The following MACROD2 variants were observed in gnomAD, a reference collection of about 807,000 sequenced individuals.
MACROD2 encodes ADP-ribose glycohydrolase MACROD2.
A neutral mutation model predicts 70.4 loss-of-function variants in MACROD2; 36 were observed. That is an observed-to-expected ratio of 0.51 (90% CI 0.39 to 0.68). MACROD2 has a LOEUF of 0.68. Among genes scored for constraint, MACROD2 ranks in the 30% least tolerant of loss-of-function variants. The pLI is 0.00. For missense variants in MACROD2, 496 were observed against 538.4 expected, an observed-to-expected ratio of 0.92 and a Z score of 0.78; for synonymous variants, 172 against 178.8, an observed-to-expected ratio of 0.96 and a Z score of 0.30.
chr20:14,402,649 C>T (rs1424326773), intron 3 of MACROD2, among the ~76,000 whole-genome samples: 1 of 152,110 alleles, frequency 6.6e-6, no homozygotes, highest in African/African-American at 2.4e-5. Context: ...AATAAGAACC[C>T]TGAGGTAATG....
At chr20:14,683,677 C>A (rs779629763) in intron 4 of MACROD2, among the ~76,000 whole-genome samples, 3 of 151,968 alleles carry the variant, frequency 2.0e-5, no homozygotes, top group Non-Finnish European at 4.4e-5. Context: ...TCCCTTAGTG[C>A]CAATAGCCTG....
chr20:15,104,668 C>T (rs1384945785), intron 5 of MACROD2, among the ~76,000 whole-genome samples: 2 of 152,094 alleles, frequency 1.3e-5, no homozygotes, highest in Non-Finnish European at 2.9e-5. Flanking sequence ...TTGCTTCCAG[C>T]GGGTGCTTTA....
At chr20:15,081,255 C>T (rs1215043217) in intron 5 of MACROD2, among the ~76,000 whole-genome samples, 2 of 152,092 alleles carry the variant, frequency 1.3e-5, no homozygotes, top group African/African-American at 4.8e-5. Flanking sequence ...CACAGCCATG[C>T]TCATTTGTTT....
intron 5 of MACROD2, among the ~76,000 whole-genome samples, chr20:14,833,226 G>T (rs1455977848): frequency 6.6e-6 from 1 of 152,088 alleles, no homozygotes; most frequent in African/African-American, 2.4e-5. Context: ...TCCATACGTG[G>T]GGCTTATGGG....
intron 8 of MACROD2, chr20:15,619,558 TC>T: frequency 2.4e-6 from 1 of 415,926 alleles, no homozygotes; most frequent in Non-Finnish European, 4.4e-6. Context: ...GGGGATGTGG[TC>T]ACCAGTCATC....
chr20:15,687,362 C>G (rs1392819631), intron 8 of MACROD2, among the ~76,000 whole-genome samples: 1 of 151,868 alleles, frequency 6.6e-6, no homozygotes, highest in Non-Finnish European at 1.5e-5. Flanking sequence ...ATGATAGCAG[C>G]TGCTGCTGCT....
intron 3 of MACROD2, among the ~76,000 whole-genome samples, chr20:14,421,535 T>C (rs1398573959): frequency 6.6e-6 from 1 of 152,184 alleles, no homozygotes; most frequent in Non-Finnish European, 1.5e-5. Context: ...TCATAGTCTT[T>C]TTCTTTTGTT....
intron 7 of MACROD2, among the ~76,000 whole-genome samples, chr20:15,477,845 A>G (rs1457062840): frequency 6.6e-6 from 1 of 152,202 alleles, no homozygotes; most frequent in Non-Finnish European, 1.5e-5. Context: ...TTATATGAGG[A>G]AGGCAGGAGG....
At chr20:15,620,668 G>A (rs2146728904) in intron 8 of MACROD2, among the ~76,000 whole-genome samples, 1 of 152,288 alleles carries the variant, frequency 6.6e-6, no homozygotes, top group Middle Eastern at 3.4e-3. Flanking sequence ...TTAAATGACA[G>A]TTCCTAGAGC....
At chr20:14,407,539 G>T (rs2122855294) in intron 3 of MACROD2, among the ~76,000 whole-genome samples, 1 of 152,200 alleles carries the variant, frequency 6.6e-6, no homozygotes, top group South Asian at 2.1e-4. Flanking sequence ...AGGTTTCGAT[G>T]TGTCATTTAA....
chr20:15,191,545 C>G (rs2076570431), intron 5 of MACROD2, among the ~76,000 whole-genome samples: 1 of 152,156 alleles, frequency 6.6e-6, no homozygotes, highest in Admixed American at 6.5e-5. Context: ...AAGAAGCCTG[C>G]TCTTTGAGAT....
chr20:15,852,595 A>G (rs757297338), intron 8 of MACROD2, among the ~76,000 whole-genome samples: 29 of 152,188 alleles, frequency 1.9e-4, no homozygotes, highest in Non-Finnish European at 3.2e-4. Flanking sequence ...AAGAACAATG[A>G]TATTCGGTGA....
intron 6 of MACROD2, among the ~76,000 whole-genome samples, chr20:15,303,443 G>A (rs532111806): frequency 4.0e-4 from 61 of 152,152 alleles, no homozygotes; most frequent in Middle Eastern, 3.4e-3. Flanking sequence ...TCATCATGCC[G>A]CCTTGCCCTA....
chr20:14,740,798 C>A (rs1299650941), intron 5 of MACROD2, among the ~76,000 whole-genome samples: 1 of 152,086 alleles, frequency 6.6e-6, no homozygotes, highest in Non-Finnish European at 1.5e-5. Context: ...TTAATGAGCT[C>A]ATAGAAAATC....
At chr20:15,162,271 A>G (rs1385881043) in intron 5 of MACROD2, among the ~76,000 whole-genome samples, 1 of 152,206 alleles carries the variant, frequency 6.6e-6, no homozygotes, top group East Asian at 1.9e-4. Context: ...GTGGTAAGTA[A>G]GAGCTGAGGC....
chr20:14,061,535 G>A (rs968740812), intron 2 of MACROD2, among the ~76,000 whole-genome samples: 12 of 152,052 alleles, frequency 7.9e-5, no homozygotes, highest in Non-Finnish European at 1.8e-4. Flanking sequence ...AAAAGGTTGC[G>A]AGGGTGCTGG....
In MACROD2 at chr20:15,748,895, G is replaced by A. The variant is rs148665842; in HGVS notation, c.646-113850G>A. ...GTAAGAAGAGCAGGCTTTAATCTTCGTTCCACCATTTGCCAGCCATGTAAC... is the reference window on the plus strand; with the variant it reads ...GTAAGAAGAGCAGGCTTTAATCTTCATTCCACCATTTGCCAGCCATGTAAC... On this transcript the variant is annotated intron_variant, in intron 8 of 17. Coordinates refer to ENST00000684519, the MANE Select transcript of MACROD2 (RefSeq NM_001351661.2). Among the ~76,000 whole-genome samples the A allele has an allele frequency of 3.1e-3, 466 of 152,134 alleles. 3 individuals are homozygous for A. The highest frequency in any genetic ancestry group is 0.01 in the African/African-American group (429 of 41,520).
At chr20:14,541,791 T>C (rs1460415100) in intron 4 of MACROD2, among the ~76,000 whole-genome samples, 1 of 152,184 alleles carries the variant, frequency 6.6e-6, no homozygotes, top group Non-Finnish European at 1.5e-5. Context: ...TAGCATATGG[T>C]ATATCTGGTA....
intron 3 of MACROD2, among the ~76,000 whole-genome samples, chr20:14,399,092 T>C (rs1250650243): frequency 2.0e-5 from 3 of 151,424 alleles, no homozygotes; most frequent in African/African-American, 4.9e-5. Context: ...CGATCTCAGC[T>C]CACTGCAACC....
Sources: allele counts gnomAD v4.1 joint callset (sites outside exome capture counted in the v4.1 genomes callset), GRCh38; gene constraint gnomAD v4.1.1; transcripts MANE v1.5; gene names NCBI Gene and HGNC (gene_info 2026-07-23, HGNC 2026-07-21).